The following MARCHF11 variants were observed in gnomAD, a reference collection of about 807,000 sequenced individuals.
MARCHF11 encodes the protein E3 ubiquitin-protein ligase MARCHF11.
In MARCHF11, 29 loss-of-function variants were observed where a neutral mutation model predicts 37.3. The ratio of observed to expected loss-of-function variants is 0.78; its 90% CI spans 0.58 to 1.06. The LOEUF (loss-of-function observed/expected upper bound fraction) is 1.06, where lower values mean the gene tolerates loss of function less well. MARCHF11 is among the 50% of genes least tolerant of loss of function. The pLI, the probability that MARCHF11 is intolerant of heterozygous loss-of-function variation, is 0.00. For missense variants in MARCHF11, 482 were observed against 533.4 expected, an observed-to-expected ratio of 0.90 and a Z score of 0.95; for synonymous variants, 233 against 228.0, an observed-to-expected ratio of 1.02 and a Z score of -0.20.
At chr5:16,076,864 G>T (rs888757527) in intron 3 of MARCHF11, among the ~76,000 whole-genome samples, 1 of 152,190 alleles carries the variant, frequency 6.6e-6, no homozygotes, top group Non-Finnish European at 1.5e-5. Context: ...GTCATCACCG[G>T]TGTCTCCTCA....
chr5:16,129,080 C>T (rs1007631386), intron 2 of MARCHF11: 1 of 152,198 alleles, frequency 6.6e-6, no homozygotes, highest in Non-Finnish European at 1.5e-5. Context: ...GACAAGCTTA[C>T]TGCTTGAGTG....
At chr5:16,096,146 T>C (rs1736864241) in intron 2 of MARCHF11, among the ~76,000 whole-genome samples, 4 of 152,246 alleles carry the variant, frequency 2.6e-5, no homozygotes, top group South Asian at 4.2e-4. Flanking sequence ...ACACATCCTG[T>C]ATCTGAAAGG....
intron 2 of MARCHF11, among the ~76,000 whole-genome samples, chr5:16,166,980 GAACATACAACGATGTT>G: frequency 2.6e-4 from 1 of 3,906 alleles, no homozygotes; most frequent in South Asian, 0.022. Context: ...ATTTACTTAT[GAACATACAACGATGTT>G]CATTTACTTA....
chr5:16,134,698 G>C (rs1240814143), intron 2 of MARCHF11, among the ~76,000 whole-genome samples: 1 of 152,034 alleles, frequency 6.6e-6, no homozygotes, highest in African/African-American at 2.4e-5. Flanking sequence ...AATAAGGACA[G>C]AATTTGATAA....
chr5:16,165,790 C>G (rs777592813), intron 2 of MARCHF11, among the ~76,000 whole-genome samples: 4 of 152,052 alleles, frequency 2.6e-5, no homozygotes, highest in Non-Finnish European at 5.9e-5. Flanking sequence ...ATAGAATTTG[C>G]TAGCCTTCTC....
intron 3 of MARCHF11, among the ~76,000 whole-genome samples, chr5:16,082,816 C>T (rs766630333): frequency 8.5e-5 from 13 of 152,176 alleles, no homozygotes; most frequent in Admixed American, 1.3e-4. Flanking sequence ...GACACATCCA[C>T]GTTAATACTT....
At chr5:16,107,432 A>T (rs551163749) in intron 2 of MARCHF11, among the ~76,000 whole-genome samples, 6 of 152,206 alleles carry the variant, frequency 3.9e-5, no homozygotes, top group African/African-American at 1.2e-4. Flanking sequence ...CTTTGACAAA[A>T]ATTTTGTGAT....
rs544532424 is a variant in MARCHF11 at position 16,085,700 on chromosome 5, G to C, written c.886+5189C>G. ...GGGCGCAGTGGCTCACGCCTGTAAT[G>C]CCAGCACTTTGGGAGGCCAAGGTGG... On this transcript the variant is annotated intron_variant, in intron 3 of 3. Transcript: ENST00000332432. Among the ~76,000 whole-genome samples the C allele has an allele frequency of 1.6e-4, 24 of 151,920 alleles. No homozygotes were observed. In the South Asian group the frequency reaches 3.7e-3, roughly 24 times the overall value.
intron 2 of MARCHF11, among the ~76,000 whole-genome samples, chr5:16,176,319 C>T (rs1344222477): frequency 2.0e-5 from 3 of 152,104 alleles, no homozygotes; most frequent in African/African-American, 7.2e-5. Flanking sequence ...CTTATTTTCC[C>T]ACATACTTCT....
At chr5:16,067,843 C>T (rs766536971) in intron 3 of MARCHF11, 50 bp from the exon 4 acceptor site, 3 of 1,500,378 alleles carry the variant, frequency 2.0e-6, no homozygotes, top group Admixed American at 2.0e-5. Flanking sequence ...TAATCCAAGG[C>T]TGGGAGTGTT....
rs117092314 is a variant in MARCHF11 at position 16,072,919 on chromosome 5, T to G, written c.887-5126A>C. Among the ~76,000 whole-genome samples the G allele has an allele frequency of 1.4e-3, 207 of 152,242 alleles. 2 individuals are homozygous for G. In the East Asian group the frequency reaches 0.034, roughly 25 times the overall value. On this transcript the variant is annotated intron_variant, in intron 3 of 3. Coordinates refer to ENST00000332432, the MANE Select transcript of MARCHF11 (RefSeq NM_001102562.3). Reference sequence around the variant, plus strand: ...ACTCCTAGAGGTATAATAATGTCAGTGACACACAAGGATGGTAAAGATAGA... The same window carrying G: ...ACTCCTAGAGGTATAATAATGTCAGGGACACACAAGGATGGTAAAGATAGA...
intron 2 of MARCHF11, among the ~76,000 whole-genome samples, chr5:16,170,977 C>T (rs901566734): frequency 6.6e-5 from 10 of 152,118 alleles, no homozygotes; most frequent in African/African-American, 2.4e-4. Flanking sequence ...CTGCTTTCCA[C>T]TCCTGACTTA....
chr5:16,179,281 C>T lies in MARCHF11; in HGVS notation c.295G>A (p.Ala99Thr). ...CTCGGACCTTCCCCGGAGTCGCCGG[C>T]CGCCGCCACTTCCTGGCCGGCGGGC... is the stretch of plus-strand genomic sequence containing the variant. ...LQPAGQEVAA[A>T]GDSGEGPRRL... The change falls in exon 1 of 4, where the codon GCC becomes ACC. Residue 99 changes from alanine to threonine, a missense_variant. Transcript: ENST00000332432. The T allele has an allele frequency of 7.7e-7, 1 of 1,295,830 alleles. No individual in the cohort carries two copies. Among genetic ancestry groups the T allele is most frequent in the Admixed American group, 3.5e-5 (1 of 28,270 alleles). 80.3% of individuals were successfully genotyped at this position (1,295,830 alleles called of 1,614,324 possible). A position where few individuals can be genotyped will look rare whatever the true frequency, so the allele number is the denominator to read the frequency against.
intron 2 of MARCHF11, among the ~76,000 whole-genome samples, chr5:16,135,617 G>T (rs1381418520): frequency 6.6e-6 from 1 of 152,060 alleles, no homozygotes. Context: ...AAACACTGTT[G>T]CAAAAATTTT....
At chr5:16,171,122 T>A (rs1453892731) in intron 2 of MARCHF11, among the ~76,000 whole-genome samples, 1 of 152,108 alleles carries the variant, frequency 6.6e-6, no homozygotes, top group Non-Finnish European at 1.5e-5. Flanking sequence ...TTTATTATTA[T>A]ACTTTAAGTT....
intron 2 of MARCHF11, among the ~76,000 whole-genome samples, chr5:16,098,892 T>C (rs1177120234): frequency 1.3e-5 from 2 of 152,188 alleles, no homozygotes; most frequent in African/African-American, 2.4e-5. Context: ...CATAAATGAC[T>C]TAAGACTAAT....
At chr5:16,161,898 C>T (rs548051386) in intron 2 of MARCHF11, among the ~76,000 whole-genome samples, 1 of 152,118 alleles carries the variant, frequency 6.6e-6, no homozygotes, top group African/African-American at 2.4e-5. Flanking sequence ...TGAAGCGTCT[C>T]TTCAAAATAA....
At chr5:16,090,075 G>C (rs1736767016) in intron 3 of MARCHF11, among the ~76,000 whole-genome samples, 1 of 152,142 alleles carries the variant, frequency 6.6e-6, no homozygotes, top group Admixed American at 6.5e-5. Context: ...AGTAGATCTG[G>C]GTGGAGCCTG....
At chr5:16,091,477 TG>T (rs1736790617) in intron 2 of MARCHF11, among the ~76,000 whole-genome samples, 1 of 152,176 alleles carries the variant, frequency 6.6e-6, no homozygotes, top group Admixed American at 6.5e-5. Flanking sequence ...TTAATACATT[TG>T]GCTACTGCAA....
Sources: allele counts gnomAD v4.1 joint callset (sites outside exome capture counted in the v4.1 genomes callset), GRCh38; gene constraint gnomAD v4.1.1; transcripts MANE v1.5; gene names NCBI Gene and HGNC (gene_info 2026-07-23, HGNC 2026-07-21).